The following VEZF1 variants were observed in gnomAD, a reference collection of about 807,000 sequenced individuals.
VEZF1 encodes putative transcription factor DB1.
Under a neutral mutation model 44.1 loss-of-function variants are expected in VEZF1, and 5 were observed. The ratio of observed to expected loss-of-function variants is 0.11; its 90% CI spans 0.06 to 0.24. The LOEUF (loss-of-function observed/expected upper bound fraction) is 0.24, where lower values mean the gene tolerates loss of function less well. VEZF1 is among the 10% of genes least tolerant of loss of function. The probability of loss-of-function intolerance (pLI) is 1.00; values close to 1 mark genes in which losing one functional copy is unlikely to be tolerated. For missense variants in VEZF1, 358 were observed against 641.8 expected, an observed-to-expected ratio of 0.56 and a Z score of 4.78; for synonymous variants, 236 against 233.1, an observed-to-expected ratio of 1.01 and a Z score of -0.11.
intron 1 of VEZF1, among the ~76,000 whole-genome samples, chr17:57,987,592 G>A (rs938530568): frequency 5.9e-5 from 9 of 152,048 alleles, no homozygotes; most frequent in African/African-American, 2.2e-4. Flanking sequence ...AGACGAGGAA[G>A]GTGAAAAGAG....
intron 1 of VEZF1, chr17:57,986,249 A>G (rs1031686074): frequency 1.3e-5 from 2 of 152,242 alleles, no homozygotes; most frequent in African/African-American, 4.8e-5. Flanking sequence ...AGTATTTCAA[A>G]AGATTTTTCA....
In VEZF1 at chr17:57,988,178, G is replaced by A. The variant is rs552828607; in HGVS notation, c.-67C>T. On this transcript the variant is annotated 5_prime_UTR_variant, in exon 1 of 6. Transcript: ENST00000581208. ...CGGGGAGCCTCCTCAGCCGGAGGAG[G>A]CGACAACAAAGCGGCGGCGGCGGCG... 19 of 416,196 alleles carry A rather than the reference G, an allele frequency of 4.6e-5. No individual in the cohort carries two copies. The South Asian group carries it at 4.7e-4, about 10-fold the overall frequency. 25.8% of individuals were successfully genotyped at this position (416,196 alleles called of 1,614,324 possible).
intron 5 of VEZF1, among the ~76,000 whole-genome samples, chr17:57,976,819 G>C (rs531936623): frequency 1.3e-5 from 2 of 152,236 alleles, no homozygotes; most frequent in Non-Finnish European, 2.9e-5. Context: ...AGTACACCGA[G>C]AGAGATTGAG....
Position 57,979,312 on chromosome 17 carries a change from T to C in VEZF1, c.978A>G (p.Thr326=), listed in dbSNP as rs750941440. Residue 326 remains threonine (T), a splice_region_variant and synonymous_variant, in exon 5 of 6, where the codon ACA becomes ACG. Transcript: ENST00000581208. ...GGTTACTGGTCTCTTCACTCATGCATGCTATTACAAAGACAAACCAAAAAC... is the reference window on the plus strand; with the variant it reads ...GGTTACTGGTCTCTTCACTCATGCACGCTATTACAAAGACAAACCAAAAAC... The part of the protein sequence containing the change: ...CNTCKQGISK[T]CMSEETSNQK... 15 of 1,613,940 alleles carry C rather than the reference T, an allele frequency of 9.3e-6. No individual in the cohort carries two copies. The highest frequency in any genetic ancestry group is 3.3e-5 in the Admixed American group (2 of 59,994).
Position 57,983,053 on chromosome 17 carries a change from C to T in VEZF1, c.374G>A (p.Arg125Gln), listed in dbSNP as rs761530449. Residue 125 changes from arginine to glutamine, a missense_variant, in exon 2 of 6, where the codon CGA becomes CAA. Around this residue, in one of 4 missense-constraint regions of VEZF1, gnomAD observed 117 missense variants for 207.2 expected, o/e 0.56. Coordinates refer to ENST00000581208, the MANE Select transcript of VEZF1 (RefSeq NM_007146.3). Reference protein sequence around the residue: ...LISTIAGDSSRTSLVSTIAGI... With the variant: ...LISTIAGDSSQTSLVSTIAGI... ...TGCAATGGTCGAGACCAACGAAGTT[C>T]GGCTGCTGTCCCCAGCGATGGTAGA... 1.9e-6 allele frequency: 3 copies of T among 1,614,166 alleles called. No homozygotes were observed. The highest frequency in any genetic ancestry group is 2.2e-5 in the South Asian group (2 of 91,074).
rs1248977791 is a variant in VEZF1 at position 57,974,713 on chromosome 17, T to C, written c.1326A>G (p.Ile442Met). The change falls in exon 6 of 6, where the codon ATA (isoleucine) becomes ATG (methionine). Residue 442 changes from isoleucine (I) to methionine (M), a missense_variant. Physicochemically the swap from Ile to Met is conservative, Grantham distance 10 (BLOSUM62 1). Coordinates refer to ENST00000581208, the MANE Select transcript of VEZF1 (RefSeq NM_007146.3). ...SAVNITSPMN[I>M]GHPVTITSPL... ...GACTGGTTATAGTTACAGGATGCCC[T>C]ATGTTCATTGGGCTGGTTATGTTAA... is the stretch of plus-strand genomic sequence containing the variant. 2 of 1,614,174 alleles carry C rather than the reference T, an allele frequency of 1.2e-6. No homozygotes were observed. The highest frequency in any genetic ancestry group is 2.2e-5 in the East Asian group (1 of 44,888).
At chr17:57,985,139 C>G (rs1598050222) in intron 1 of VEZF1, 1 of 588,480 alleles carries the variant, frequency 1.7e-6, no homozygotes, top group Non-Finnish European at 2.5e-6. Context: ...CAAAGGCTAA[C>G]AGATCAGATA....
At chr17:57,983,520 T>C in intron 1 of VEZF1, 127 bp from the exon 2 acceptor site, 1 of 770,572 alleles carries the variant, frequency 1.3e-6, no homozygotes, top group Non-Finnish European at 2.1e-6. Flanking sequence ...GCAGTGGTAA[T>C]CCAGCAACCA....
chr17:57,980,191 G>C (rs1025886435), intron 4 of VEZF1, among the ~76,000 whole-genome samples: 1 of 152,116 alleles, frequency 6.6e-6, no homozygotes, highest in East Asian at 1.9e-4. Flanking sequence ...ATATATAATA[G>C]AATAAAGGAT....
In VEZF1 at chr17:57,975,110, T is replaced by C. The variant is rs141799488; in HGVS notation, c.1139-210A>G. 1.7e-4 allele frequency among the ~76,000 whole-genome samples: 26 copies of C among 152,376 alleles called. No individual in the cohort carries two copies. The East Asian group carries it at 2.5e-3, about 15-fold the overall frequency. ...GTGTATGAATCACCTTCTGATGCTA[T>C]ACCTCCTGCAAGGACTTAAGCAACT... On this transcript the variant is annotated intron_variant, in intron 5 of 5. Transcript: ENST00000581208.
In VEZF1 at chr17:57,980,757, G is replaced by A. The variant is rs774857891; in HGVS notation, c.822C>T (p.Asp274=). 6.2e-7 allele frequency: 1 copy of A among 1,614,192 alleles called. No homozygotes were observed. The highest frequency in any genetic ancestry group is 1.1e-5 in the South Asian group (1 of 91,086). Residue 274 remains aspartate, a synonymous_variant, in exon 4 of 6, where the codon GAC becomes GAT. Coordinates refer to ENST00000581208, the MANE Select transcript of VEZF1 (RefSeq NM_007146.3). The part of the protein sequence containing the change: ...QTCTAAFATK[D]RLRTHMVRHE... ...GGCGCACCATGTGTGTCCGCAGTCT[G>A]TCTTTGGTGGCAAAGGCAGCAGTGC...
chr17:57,975,870 T>G (rs1201455618), intron 5 of VEZF1, among the ~76,000 whole-genome samples: 1 of 152,118 alleles, frequency 6.6e-6, no homozygotes. Flanking sequence ...TGATCAAAGC[T>G]TACTGCAGCC....
chr17:57,975,031 G>A (rs2075176013), intron 5 of VEZF1, 131 bp from the exon 6 acceptor site: 13 of 1,075,298 alleles, frequency 1.2e-5, no homozygotes, highest in Middle Eastern at 2.3e-4. Flanking sequence ...TCTATCAAGC[G>A]GTCAACAGAA....
At chr17:57,985,200 G>A in intron 1 of VEZF1, 1 of 1,109,204 alleles carries the variant, frequency 9.0e-7, no homozygotes, top group Non-Finnish European at 1.1e-6. Flanking sequence ...GCATTTAGAG[G>A]CATTTTTCAA....
At chr17:57,977,845 A>C (rs1396915485) in intron 5 of VEZF1, among the ~76,000 whole-genome samples, 2 of 133,182 alleles carry the variant, frequency 1.5e-5, no homozygotes, top group Admixed American at 7.0e-5. Context: ...ACTCCATCTC[A>C]AAAAAAGAAA....
chr17:57,977,396 G>T lies in VEZF1; in HGVS notation c.1138+1756C>A, dbSNP rs543781682. ...CCCACCTTGGCCTCCTGAAGTGCTG[G>T]AATTATAGGTGTGAGCCATCACACC... On this transcript the variant is annotated intron_variant, in intron 5 of 5. Coordinates refer to ENST00000581208, the MANE Select transcript of VEZF1 (RefSeq NM_007146.3). Among the ~76,000 whole-genome samples, 18 of 152,192 alleles carry T rather than the reference G, an allele frequency of 1.2e-4. 1 individual carries two copies. The East Asian group carries it at 2.7e-3, about 23-fold the overall frequency.
chr17:57,980,567 A>C, intron 4 of VEZF1, 36 bp downstream of exon 4: 1 of 1,586,518 alleles, frequency 6.3e-7, no homozygotes, highest in African/African-American at 1.3e-5. Flanking sequence ...CACCCATCTG[A>C]AATATAAAAG....
chr17:57,982,781 G>T lies in VEZF1; in HGVS notation c.646C>A (p.Arg216=), dbSNP rs1389375036. The change falls in exon 2 of 6, where the codon CGG becomes AGG. Residue 216 remains arginine (R), a synonymous_variant. Transcript: ENST00000581208. The part of the protein sequence containing the change: ...ICNQRFKRKD[R]MTYHVRSHEG... ...TGAGACCTCACATGGTAAGTCATCC[G>T]GTCCTTCCTCTTGAAGCGCTGATTA... is the stretch of plus-strand genomic sequence containing the variant. 6.2e-7 allele frequency: 1 copy of T among 1,614,060 alleles called. No homozygotes were observed. Among genetic ancestry groups the T allele is most frequent in the Non-Finnish European group, 8.5e-7 (1 of 1,180,050 alleles).
chr17:57,982,002 G>C, intron 2 of VEZF1, 66 bp from the exon 3 acceptor site: 1 of 1,522,448 alleles, frequency 6.6e-7, no homozygotes, highest in South Asian at 1.1e-5. Flanking sequence ...CTTATGTGAT[G>C]CTCACATGCT....
Sources: allele counts gnomAD v4.1 joint callset (sites outside exome capture counted in the v4.1 genomes callset), GRCh38; gene constraint gnomAD v4.1.1; regional missense constraint gnomAD v4.1.1; transcripts MANE v1.5; gene names NCBI Gene and HGNC (gene_info 2026-07-23, HGNC 2026-07-21).